SPINK2: variants seen among roughly 807,000 people sequenced by gnomAD.
SPINK2 encodes serine peptidase inhibitor Kazal type 2.
Under a neutral mutation model 13.5 loss-of-function variants are expected in SPINK2, and 8 were observed. The ratio of observed to expected loss-of-function variants is 0.59; its 90% CI spans 0.35 to 1.07. SPINK2 has a LOEUF of 1.07. Among genes scored for constraint, SPINK2 ranks in the 50% least tolerant of loss-of-function variants. The probability of loss-of-function intolerance (pLI) is 0.02; values close to 1 mark genes in which losing one functional copy is unlikely to be tolerated. For missense variants in SPINK2, 148 were observed against 180.3 expected, an observed-to-expected ratio of 0.82 and a Z score of 1.03; for synonymous variants, 76 against 74.7, an observed-to-expected ratio of 1.02 and a Z score of -0.09.
At chr4:56,820,105 C>G (rs1430973405) in intron 2 of SPINK2, among the ~76,000 whole-genome samples, 3 of 152,110 alleles carry the variant, frequency 2.0e-5, no homozygotes, top group Non-Finnish European at 2.9e-5. Flanking sequence ...GAAGCCATTC[C>G]TTTTTTCCAC....
At chr4:56,813,919 CTTTTTTT>C (rs71194126) in intron 2 of SPINK2, among the ~76,000 whole-genome samples, 1 of 97,132 alleles carries the variant, frequency 1.0e-5, no homozygotes, top group Non-Finnish European at 2.0e-5. Flanking sequence ...GCACCTGGCC[CTTTTTTT>C]TTTTTTTTTT....
At chr4:56,819,692 T>C (rs1276103910) in intron 2 of SPINK2, among the ~76,000 whole-genome samples, 1 of 151,548 alleles carries the variant, frequency 6.6e-6, no homozygotes, top group Non-Finnish European at 1.5e-5. Flanking sequence ...CTCAGCTCAC[T>C]GCAACCTTTG....
upstream of SPINK2, chr4:56,821,825 A>G (rs937566087): frequency 1.5e-5 from 10 of 652,870 alleles, no homozygotes; most frequent in East Asian, 1.6e-4. Flanking sequence ...CGGGAAGAGG[A>G]GCGGCGGGAA....
chr4:56,821,372 G>A, intron 1 of SPINK2, 86 bp downstream of exon 1: 1 of 1,418,912 alleles, frequency 7.0e-7, no homozygotes, highest in South Asian at 1.5e-5. Context: ...TGTCCTTAGA[G>A]CTGGGAGCGA....
At chr4:56,821,071 G>A (rs1357585437) in intron 1 of SPINK2, among the ~76,000 whole-genome samples, 1 of 152,182 alleles carries the variant, frequency 6.6e-6, no homozygotes, top group Middle Eastern at 3.2e-3. Flanking sequence ...GGGACTACCG[G>A]CCCAAGCCAC....
rs373629433 is a variant in SPINK2, at chr4:56,821,674, G to T, written c.-12C>A. 3 of 1,520,718 alleles carry T rather than the reference G, an allele frequency of 2.0e-6. No individual in the cohort carries two copies. The highest frequency in any genetic ancestry group is 1.8e-6 in the Non-Finnish European group (2 of 1,137,336). 94.2% of individuals were successfully genotyped at this position (1,520,718 alleles called of 1,614,324 possible). A position where few individuals can be genotyped will look rare whatever the true frequency, so the allele number is the denominator to read the frequency against. On this transcript the variant is annotated 5_prime_UTR_variant, in exon 1 of 4. Transcript: ENST00000506738. ...ACCGACAGCGCCATCCTCCTCCCGCGCCGGCTGTCTTGCCCCTGCGGTCTG... is the reference window on the plus strand; with the variant it reads ...ACCGACAGCGCCATCCTCCTCCCGCTCCGGCTGTCTTGCCCCTGCGGTCTG...
chr4:56,819,998 C>T (rs1222887883), intron 2 of SPINK2, among the ~76,000 whole-genome samples: 1 of 152,124 alleles, frequency 6.6e-6, no homozygotes, highest in African/African-American at 2.4e-5. Context: ...CAGAGAAAAC[C>T]AAATACACAC....
chr4:56,812,047 G>A (rs1213737150), intron 2 of SPINK2, among the ~76,000 whole-genome samples: 1 of 148,578 alleles, frequency 6.7e-6, no homozygotes, highest in African/African-American at 2.5e-5. Flanking sequence ...ACAGGCGCAC[G>A]CCTCCATGCC....
chr4:56,814,960 C>CAAAAA (rs5858398), intron 2 of SPINK2, among the ~76,000 whole-genome samples: 1 of 102,542 alleles, frequency 9.8e-6, no homozygotes, highest in Non-Finnish European at 2.0e-5. Flanking sequence ...GACTCCGTCT[C>CAAAAA]AAAAAAAAAA....
chr4:56,820,538 T>C lies in SPINK2; in HGVS notation c.247A>G (p.Thr83Ala), dbSNP rs142611048. Residue 83 changes from threonine to alanine, a missense_variant and splice_region_variant, in exon 2 of 4, where the codon ACG becomes GCG. Transcript: ENST00000506738. ...PQFGLFSKYR[T>A]PNCSQYRLPG... is the part of the protein sequence containing the mutation. ...AGTAGAAGTGGTTTGCTACTTACCG[T>C]TCTATATTTTGAAAACAGACCAAAT... The C allele has an allele frequency of 3.5e-5, 56 of 1,610,236 alleles. No individual in the cohort carries two copies. In the African/African-American group the frequency reaches 6.5e-4, roughly 19 times the overall value.
intron 2 of SPINK2, among the ~76,000 whole-genome samples, chr4:56,814,522 G>A (rs1460325909): frequency 6.6e-6 from 1 of 151,942 alleles, no homozygotes; most frequent in African/African-American, 2.4e-5. Context: ...CTTGAAGAAA[G>A]GGTAAAATTT....
At chr4:56,820,018 A>T (rs1717800316) in intron 2 of SPINK2, among the ~76,000 whole-genome samples, 1 of 152,212 alleles carries the variant, frequency 6.6e-6, no homozygotes, top group Non-Finnish European at 1.5e-5. Flanking sequence ...CCCCTAACCC[A>T]TACCATAGAA....
At chr4:56,821,804 A>C, upstream of SPINK2, 2 of 892,212 alleles carry the variant, frequency 2.2e-6, no homozygotes, top group Non-Finnish European at 3.1e-6. Flanking sequence ...GTGGCGAGGG[A>C]AGAGGGGCGG....
At position 56,821,570 on chromosome 4, in the gene SPINK2, C is replaced by T. The variant is rs373374892; in HGVS notation, c.93G>A (p.Pro31=). 1.1e-4 allele frequency: 170 copies of T among 1,547,976 alleles called. No individual in the cohort carries two copies. In the African/African-American group the frequency reaches 1.8e-3, roughly 16 times the overall value. The change falls in exon 1 of 4, where the codon CCG becomes CCA. Residue 31 remains proline, a synonymous_variant. Coordinates refer to ENST00000506738, the MANE Select transcript of SPINK2 (RefSeq NM_001271718.2). ...TCTGACTCCCAAACCCGCTTTTCTC[C>T]GGAGGTCCCCGCTCGCCAGGACCGC... ...ARSGPGERGP[P]EKSGFGSQTG...
At chr4:56,817,189 G>A (rs931608595) in intron 2 of SPINK2, among the ~76,000 whole-genome samples, 2 of 152,112 alleles carry the variant, frequency 1.3e-5, no homozygotes, top group African/African-American at 2.4e-5. Context: ...GCGATAGAGC[G>A]AGACTCCATC....
intron 2 of SPINK2, among the ~76,000 whole-genome samples, chr4:56,814,822 ATGG>A: frequency 6.6e-6 from 1 of 151,956 alleles, no homozygotes; most frequent in South Asian, 2.1e-4. Context: ...TTAGCCAGAC[ATGG>A]TGGTGGGCGC....
At chr4:56,812,278 G>A (rs142870518) in intron 2 of SPINK2, among the ~76,000 whole-genome samples, 1,806 of 151,794 alleles carry the variant, frequency 0.012, 17 homozygotes, top group Non-Finnish European at 0.019. Context: ...ACTTTGGCTG[G>A]GAGCAGTGGC....
intron 2 of SPINK2, 140 bp downstream of exon 2, chr4:56,820,396 G>A (rs1487355886): frequency 1.6e-6 from 1 of 619,990 alleles, no homozygotes; most frequent in Admixed American, 2.9e-5. Flanking sequence ...GAATCAAAAG[G>A]CCTGCCTGAC....
At chr4:56,814,923 T>G (rs1717304633) in intron 2 of SPINK2, among the ~76,000 whole-genome samples, 1 of 144,254 alleles carries the variant, frequency 6.9e-6, no homozygotes, top group South Asian at 2.2e-4. Context: ...ATCATGCCAC[T>G]GCATTCTAGC....
Sources: allele counts gnomAD v4.1 joint callset (sites outside exome capture counted in the v4.1 genomes callset), GRCh38; gene constraint gnomAD v4.1.1; transcripts MANE v1.5; gene names NCBI Gene and HGNC (gene_info 2026-07-23, HGNC 2026-07-21).